CDC14B: variants seen among roughly 807,000 people sequenced by gnomAD.
CDC14B encodes cell division cycle 14B.
In CDC14B, 22 loss-of-function variants were observed where a neutral mutation model predicts 64.2. The observed-to-expected ratio is 0.34, with a 90% CI of 0.24 to 0.49. CDC14B has a LOEUF of 0.49. CDC14B is among the 20% of genes least tolerant of loss of function. The pLI is 0.99. For missense variants in CDC14B, 498 were observed against 629.9 expected (o/e 0.79, Z 2.24); for synonymous variants, 191 against 215.8 (o/e 0.89, Z 1.01).
chr9:96,522,508 G>T lies in CDC14B; in HGVS notation c.1341C>A (p.Leu447=). The T allele has an allele frequency of 6.2e-7, 1 of 1,602,940 alleles. No homozygotes were observed. Among genetic ancestry groups the T allele is most frequent in the Non-Finnish European group, 8.5e-7 (1 of 1,169,756 alleles). The change falls in exon 12 of 14, where the codon CTC becomes CTA. Residue 447 remains leucine (L), a splice_region_variant and synonymous_variant. Transcript: ENST00000375241. ...ACAACAAAGGAACCCAGACTCACGTGAGAGGAATAGCGTTTGTTTTGGATT... is the reference window on the plus strand; with the variant it reads ...ACAACAAAGGAACCCAGACTCACGTTAGAGGAATAGCGTTTGTTTTGGATT... ...RRQSKTNAIP[L]TVILQSSVQS...
rs1034205072 is a variant in CDC14B at position 96,522,622 on chromosome 9, A to T, written c.1246-19T>A. 1.9e-5 allele frequency: 28 copies of T among 1,495,586 alleles called. No individual in the cohort carries two copies. The highest frequency in any genetic ancestry group is 2.5e-5 in the Non-Finnish European group (27 of 1,071,876). 92.6% of individuals were successfully genotyped at this position (1,495,586 alleles called of 1,614,324 possible). On this transcript the variant is annotated intron_variant, in intron 11 of 13. Coordinates refer to ENST00000375241, the MANE Select transcript of CDC14B (RefSeq NM_033331.4). ...CACTGTACTGTGTAAGTAAAAAAAC[A>T]CTGAGCTAATGATTTAAGTTGCACT...
At chr9:96,499,269 ATCCAAGCACAGC>A (rs1241435273), downstream of CDC14B, among the ~76,000 whole-genome samples, 1 of 152,202 alleles carries the variant, frequency 6.6e-6, no homozygotes, top group African/African-American at 2.4e-5. Flanking sequence ...CCCAGTGTGA[ATCCAAGCACAGC>A]TCCTTGGGGG....
rs1418977379 is a variant in CDC14B at position 96,501,351 on chromosome 9, GAC to G, written c.*2400_*2401del. 9.9e-5 allele frequency: 15 copies of G among 152,030 alleles called. No individual in the cohort carries two copies. Among genetic ancestry groups the G allele is most frequent in the Admixed American group, 9.8e-4 (15 of 15,258 alleles). 9.4% of individuals were successfully genotyped at this position (152,030 alleles called of 1,614,324 possible). ...TTAGGTTAAGGGGATCTCTCCATCT[GAC>G]ACACAGTTTCATGTTCCATAGCAAC... is the stretch of plus-strand genomic sequence containing the variant. On this transcript the variant is annotated 3_prime_UTR_variant, in exon 14 of 14. Transcript: ENST00000375241.
chr9:96,598,794 T>C (rs1016820893), intron 1 of CDC14B, among the ~76,000 whole-genome samples: 2 of 152,210 alleles, frequency 1.3e-5, no homozygotes, highest in African/African-American at 2.4e-5. Flanking sequence ...TGAAATGACA[T>C]ATATGTCCCA....
rs980067656 is a variant in CDC14B, at chr9:96,515,362, A to G, written c.1344-5573T>C. Among the ~76,000 whole-genome samples the G allele has an allele frequency of 6.6e-5, 10 of 152,352 alleles. No individual in the cohort carries two copies. The highest frequency in any genetic ancestry group is 3.3e-4 in the Admixed American group (5 of 15,298). On this transcript the variant is annotated intron_variant, in intron 12 of 13. Transcript: ENST00000375241. This position sits in a 1 kb window ranked among gnomAD's most constrained non-coding sequence, Gnocchi z 4.3. ...GGAAGAAAAACTGTTTCAGTGAAGA[A>G]AAACTGTTTCAGTGTCTTTATCAAC...
intron 1 of CDC14B, among the ~76,000 whole-genome samples, chr9:96,570,739 T>C (rs60060335): frequency 0.048 from 7,235 of 152,254 alleles, 586 homozygotes; most frequent in African/African-American, 0.16. Flanking sequence ...GAGTTTAGTG[T>C]CGCGTATTGT....
At chr9:96,615,327 T>A (rs1421222988) in intron 1 of CDC14B, among the ~76,000 whole-genome samples, 1 of 152,124 alleles carries the variant, frequency 6.6e-6, no homozygotes, top group East Asian at 1.9e-4. Flanking sequence ...ATGCCCAGTA[T>A]AGTGGTGTGG....
chr9:96,580,231 CTT>C (rs546034661), intron 1 of CDC14B, among the ~76,000 whole-genome samples: 8 of 142,252 alleles, frequency 5.6e-5, no homozygotes, highest in Non-Finnish European at 3.1e-5. Context: ...GAGAGTGCCA[CTT>C]TTTTTTTTTT....
chr9:96,571,095 T>C (rs1436693546), intron 1 of CDC14B, among the ~76,000 whole-genome samples: 4 of 152,046 alleles, frequency 2.6e-5, no homozygotes, highest in Non-Finnish European at 5.9e-5. Flanking sequence ...GAAAATGAGA[T>C]GCTAATATCA....
chr9:96,503,888 T>G, intron 13 of CDC14B, 99 bp from the exon 14 acceptor site: 2 of 900,590 alleles, frequency 2.2e-6, no homozygotes, highest in Non-Finnish European at 3.6e-6. Flanking sequence ...AATACTGACA[T>G]GCTAAAAAGT....
intron 1 of CDC14B, among the ~76,000 whole-genome samples, chr9:96,607,140 TA>T (rs1847004357): frequency 6.6e-6 from 1 of 151,952 alleles, no homozygotes; most frequent in Non-Finnish European, 1.5e-5. Flanking sequence ...GCTTTCAGAA[TA>T]TCCCACATAT....
intron 12 of CDC14B, among the ~76,000 whole-genome samples, chr9:96,522,046 AAC>A (rs1275817825): frequency 6.6e-6 from 1 of 152,232 alleles, no homozygotes; most frequent in East Asian, 1.9e-4. Flanking sequence ...TCCCCAAAGA[AAC>A]AAACGAAAAA....
At chr9:96,493,891 T>C (rs1164547673) in intron 13 of CDC14B, among the ~76,000 whole-genome samples, 2 of 152,220 alleles carry the variant, frequency 1.3e-5, no homozygotes, top group Non-Finnish European at 2.9e-5. Flanking sequence ...TGGACCATGC[T>C]GATCACCACC....
chr9:96,604,446 T>C (rs1440421823), intron 1 of CDC14B, among the ~76,000 whole-genome samples: 1 of 151,066 alleles, frequency 6.6e-6, no homozygotes. Flanking sequence ...AATGGTGCCA[T>C]CTTGGCTCAC....
chr9:96,588,514 G>C (rs943232099), intron 1 of CDC14B, among the ~76,000 whole-genome samples: 1 of 152,098 alleles, frequency 6.6e-6, no homozygotes, highest in Non-Finnish European at 1.5e-5. Flanking sequence ...TTTGCGATAG[G>C]GCTCATCTGT....
In CDC14B at chr9:96,526,073, A is replaced by G. The variant is rs897765420; in HGVS notation, c.947-2348T>C. Among the ~76,000 whole-genome samples, 5 of 152,236 alleles carry G rather than the reference A, an allele frequency of 3.3e-5. No homozygotes were observed. In the South Asian group the frequency reaches 1.0e-3, roughly 32 times the overall value. On this transcript the variant is annotated intron_variant, in intron 9 of 13. Coordinates refer to ENST00000375241, the MANE Select transcript of CDC14B (RefSeq NM_033331.4). The stretch of plus-strand genomic sequence containing the variant: ...CAATAGGACTGTTGTACTTCTAAGA[A>G]AAAAAAGAGATAGGCCGGGTGCGGT...
rs1835506295 is a variant in CDC14B, at chr9:96,515,467, A to G, written c.1344-5678T>C. Among the ~76,000 whole-genome samples the G allele has an allele frequency of 6.6e-6, 1 of 152,238 alleles. No homozygotes were observed. Among genetic ancestry groups the G allele is most frequent in the African/African-American group, 2.4e-5 (1 of 41,474 alleles). On this transcript the variant is annotated intron_variant, in intron 12 of 13. Coordinates refer to ENST00000375241, the MANE Select transcript of CDC14B (RefSeq NM_033331.4). The surrounding 1 kb of genome is among the most constrained non-coding windows in gnomAD (Gnocchi z 4.3). ...TTTCAATATCCTTTCTATGAGAGGA[A>G]CAGTGAAGCCCACCTTCCCTCCCCA...
intron 1 of CDC14B, among the ~76,000 whole-genome samples, chr9:96,597,172 A>G (rs559038570): frequency 6.6e-6 from 1 of 152,292 alleles, no homozygotes; most frequent in South Asian, 2.1e-4. Flanking sequence ...AGGCTATCAG[A>G]TTTATTGTTG....
At chr9:96,572,745 C>T (rs909010867) in intron 1 of CDC14B, among the ~76,000 whole-genome samples, 1 of 152,176 alleles carries the variant, frequency 6.6e-6, no homozygotes, top group Non-Finnish European at 1.5e-5. Flanking sequence ...ACACTCATTT[C>T]CAATTAAGTC....
Sources: allele counts gnomAD v4.1 joint callset (sites outside exome capture counted in the v4.1 genomes callset), GRCh38; gene constraint gnomAD v4.1.1; non-coding constraint Gnocchi (gnomAD v3.1); transcripts MANE v1.5; gene names NCBI Gene and HGNC (gene_info 2026-07-23, HGNC 2026-07-21).